STARD13: variants seen among roughly 807,000 people sequenced by gnomAD.
The protein encoded by STARD13 is stAR-related lipid transfer protein 13.
In STARD13, 62 loss-of-function variants were observed where a neutral mutation model predicts 106.4. The ratio of observed to expected loss-of-function variants is 0.58; its 90% confidence interval spans 0.48 to 0.72. STARD13 has a LOEUF of 0.72. Among genes scored for constraint, STARD13 ranks in the 30% least tolerant of loss-of-function variants. The pLI is 0.00. For synonymous variants in STARD13, 565 were observed against 553.0 expected, an observed-to-expected ratio of 1.02 and a Z score of -0.31; for missense variants, 1,387 against 1,424.0, an observed-to-expected ratio of 0.97 and a Z score of 0.42.
chr13:33,662,681 G>A, the STARD13 span, among the ~76,000 whole-genome samples: 158 of 152,272 alleles, frequency 1.0e-3, 1 homozygote, highest in African/African-American at 3.6e-3. Flanking sequence ...AAATCTGTGG[G>A]AGCAGGGAGT....
chr13:33,505,342 A>G, the STARD13 span, among the ~76,000 whole-genome samples: 3 of 152,188 alleles, frequency 2.0e-5, no homozygotes, highest in Non-Finnish European at 4.4e-5. Flanking sequence ...GTACTAAAAA[A>G]TAATTCAGTA....
At chr13:33,511,403 AAAATCTG>A in the STARD13 span, 1 of 152,202 alleles carries the variant, frequency 6.6e-6, no homozygotes, top group South Asian at 2.1e-4. Context: ...TGTTGATTTA[AAAATCTG>A]TAGGGAAAAC....
At chr13:33,669,548 T>C in the STARD13 span, among the ~76,000 whole-genome samples, 1 of 148,582 alleles carries the variant, frequency 6.7e-6, no homozygotes, top group African/African-American at 2.5e-5. Context: ...TTTTTTTTTT[T>C]TTTTTGAGAC....
the STARD13 span, among the ~76,000 whole-genome samples, chr13:33,504,961 T>C: frequency 6.6e-6 from 1 of 152,152 alleles, no homozygotes; most frequent in Non-Finnish European, 1.5e-5. Context: ...ACAGCCTGCA[T>C]ATTATTCTGC....
intron 1 of STARD13, among the ~76,000 whole-genome samples, chr13:33,255,099 C>G (rs1005913320): frequency 1.0e-5 from 1 of 95,304 alleles, no homozygotes. Context: ...TCTGTGTGCT[C>G]CCCCCCCCCT....
At chr13:33,358,849 C>A in the STARD13 span, among the ~76,000 whole-genome samples, 1 of 152,094 alleles carries the variant, frequency 6.6e-6, no homozygotes, top group South Asian at 2.1e-4. Flanking sequence ...AATCAGCACC[C>A]TATGTTTAGC....
intron 1 of STARD13, among the ~76,000 whole-genome samples, chr13:33,265,750 AT>A (rs1049347056): frequency 1.3e-5 from 2 of 152,070 alleles, no homozygotes; most frequent in Non-Finnish European, 2.9e-5. Flanking sequence ...TTCCAGTGAA[AT>A]TTCTGTTGTA....
the STARD13 span, among the ~76,000 whole-genome samples, chr13:33,469,056 C>T: frequency 6.6e-6 from 1 of 152,108 alleles, no homozygotes; most frequent in African/African-American, 2.4e-5. Flanking sequence ...ATTTGGGGGA[C>T]CTACTTGTTG....
At chr13:33,171,641 C>G (rs573860285) in intron 1 of STARD13, among the ~76,000 whole-genome samples, 39 of 152,304 alleles carry the variant, frequency 2.6e-4, no homozygotes, top group Non-Finnish European at 3.8e-4. Context: ...TTAAGAGCAC[C>G]CCATCCCTGT....
intron 3 of STARD13, among the ~76,000 whole-genome samples, chr13:33,149,927 A>G (rs962014599): frequency 6.6e-6 from 1 of 152,260 alleles, no homozygotes; most frequent in Non-Finnish European, 1.5e-5. Flanking sequence ...AATCATAAGT[A>G]ATATAAAATC....
At chr13:33,466,015 T>C in the STARD13 span, among the ~76,000 whole-genome samples, 2 of 152,190 alleles carry the variant, frequency 1.3e-5, no homozygotes, top group Admixed American at 6.5e-5. Context: ...GGAACTCTTA[T>C]CTCTCCGAGC....
chr13:33,178,785 A>G (rs1013598136), intron 1 of STARD13, among the ~76,000 whole-genome samples: 1 of 152,182 alleles, frequency 6.6e-6, no homozygotes, highest in East Asian at 1.9e-4. Context: ...ATAACTTGGT[A>G]TTTCCTGGTT....
the STARD13 span, chr13:33,661,303 CAGA>C: frequency 6.6e-6 from 1 of 152,208 alleles, no homozygotes; most frequent in Non-Finnish European, 1.5e-5. Flanking sequence ...CCTTTGGAAG[CAGA>C]AGCAGACTTC....
chr13:33,450,968 G>GA, the STARD13 span, among the ~76,000 whole-genome samples: 1 of 152,130 alleles, frequency 6.6e-6, no homozygotes, highest in African/African-American at 2.4e-5. Flanking sequence ...CTGCAGTGTA[G>GA]ACCTCCTGTG....
chr13:33,123,479 T>C (rs953680354), intron 7 of STARD13, among the ~76,000 whole-genome samples: 9 of 152,338 alleles, frequency 5.9e-5, no homozygotes, highest in African/African-American at 2.2e-4. Flanking sequence ...TTCTGAGCAT[T>C]GCAGGTTCAG....
chr13:33,248,611 C>T (rs1287928588), intron 1 of STARD13, among the ~76,000 whole-genome samples: 1 of 152,136 alleles, frequency 6.6e-6, no homozygotes. Flanking sequence ...CTCTATTCCT[C>T]TTCCCTGTTT....
chr13:33,122,120 ACAGG>A (rs1876425803), intron 7 of STARD13, among the ~76,000 whole-genome samples: 1 of 152,110 alleles, frequency 6.6e-6, no homozygotes, highest in Non-Finnish European at 1.5e-5. Context: ...TACTGGGATT[ACAGG>A]CGTGAGCCAC....
In STARD13 at chr13:33,103,678, C is replaced by G. The variant is rs1351405395; in HGVS notation, c.*1915G>C. The stretch of plus-strand genomic sequence containing the variant: ...TGTGCATGTGAAATCTGGACAAGCA[C>G]CTCTCTGGGCGATACAAAGCCACTC... On this transcript the variant is annotated 3_prime_UTR_variant, in exon 14 of 14. Coordinates refer to ENST00000336934, the MANE Select transcript of STARD13 (RefSeq NM_178006.4). The G allele has an allele frequency of 6.6e-6, 1 of 152,596 alleles. No homozygotes were observed. Among genetic ancestry groups the G allele is most frequent in the Non-Finnish European group, 1.5e-5 (1 of 68,032 alleles). 9.5% of individuals were successfully genotyped at this position (152,596 alleles called of 1,614,324 possible). A position where few individuals can be genotyped will look rare whatever the true frequency, so the allele number is the denominator to read the frequency against.
the STARD13 span, among the ~76,000 whole-genome samples, chr13:33,366,704 G>A: frequency 3.3e-5 from 5 of 152,010 alleles, no homozygotes; most frequent in African/African-American, 4.8e-5. This position sits in a 1 kb window ranked among gnomAD's most constrained non-coding sequence, Gnocchi z 4.2. Flanking sequence ...AGTATTGTCC[G>A]GCTATTTTAC....
Sources: allele counts gnomAD v4.1 joint callset (sites outside exome capture counted in the v4.1 genomes callset), GRCh38; gene constraint gnomAD v4.1.1; non-coding constraint Gnocchi (gnomAD v3.1); transcripts MANE v1.5; gene names NCBI Gene and HGNC (gene_info 2026-07-23, HGNC 2026-07-21).